PCDH7: variants seen among roughly 807,000 people sequenced by gnomAD.
The protein encoded by PCDH7 is protocadherin-7.
PCDH7 carries 17 observed loss-of-function variants against 58.9 expected under a neutral mutation model. The ratio of observed to expected loss-of-function variants is 0.29; its 90% CI spans 0.20 to 0.43. The LOEUF (loss-of-function observed/expected upper bound fraction) is 0.43. Among genes scored for constraint, PCDH7 ranks in the 20% least tolerant of loss-of-function variants. The pLI is 1.00. For synonymous variants in PCDH7, 664 were observed against 616.4 expected (o/e 1.08, Z -1.14); for missense variants, 1,274 against 1,441.0 (o/e 0.88, Z 1.88).
In PCDH7 at chr4:30,732,181, A is replaced by G. The variant is rs541349519; in HGVS notation, c.*1393A>G. 4.6e-5 allele frequency: 7 copies of G among 152,304 alleles called. No individual in the cohort carries two copies. In the East Asian group the frequency reaches 1.2e-3, roughly 25 times the overall value. The allele number at this position is 152,304 out of a possible 1,614,324, so 9.4% of individuals were successfully genotyped here. ...GGGAAATTTTCAGAAACATCACTGC[A>G]AGTACAGTAAGATTTCTGTATAAAA... On this transcript the variant is annotated 3_prime_UTR_variant, in exon 2 of 2. Transcript: ENST00000361762.
At chr4:31,104,458 T>C (rs1270475271) in intron 3 of PCDH7, among the ~76,000 whole-genome samples, 1 of 152,218 alleles carries the variant, frequency 6.6e-6, no homozygotes, top group African/African-American at 2.4e-5. Context: ...TTTAGGTAAA[T>C]GATATAGCAC....
At chr4:30,799,417 T>C (rs1725230604) in intron 1 of PCDH7, among the ~76,000 whole-genome samples, 1 of 152,214 alleles carries the variant, frequency 6.6e-6, no homozygotes, top group African/African-American at 2.4e-5. Flanking sequence ...AATGCAGAAG[T>C]TGCACATAAC....
chr4:31,033,796 T>C (rs2109191456), intron 3 of PCDH7, among the ~76,000 whole-genome samples: 1 of 152,240 alleles, frequency 6.6e-6, no homozygotes, highest in East Asian at 1.9e-4. Flanking sequence ...TTGTCTTTTA[T>C]ATTAGAAACT....
At chr4:30,994,550 T>A (rs527419941) in intron 3 of PCDH7, among the ~76,000 whole-genome samples, 1 of 152,182 alleles carries the variant, frequency 6.6e-6, no homozygotes, top group Non-Finnish European at 1.5e-5. Flanking sequence ...GAAAATCAGC[T>A]TTCTAATATG....
chr4:31,076,441 C>A (rs979199929), intron 3 of PCDH7, among the ~76,000 whole-genome samples: 10 of 152,074 alleles, frequency 6.6e-5, no homozygotes, highest in Non-Finnish European at 1.3e-4. Flanking sequence ...AGGAAACTTC[C>A]TTTTTCTACT....
chr4:30,958,627 T>C (rs1748089221), intron 3 of PCDH7, among the ~76,000 whole-genome samples: 1 of 151,976 alleles, frequency 6.6e-6, no homozygotes, highest in African/African-American at 2.4e-5. Context: ...TAATAATATT[T>C]TAACAAAATT....
chr4:30,960,513 C>T (rs542939066), intron 3 of PCDH7, among the ~76,000 whole-genome samples: 6 of 152,222 alleles, frequency 3.9e-5, no homozygotes, highest in Admixed American at 1.3e-4. Context: ...AACTCTTACA[C>T]AGTAGTCACA....
intron 3 of PCDH7, among the ~76,000 whole-genome samples, chr4:30,978,994 T>C (rs1017835047): frequency 6.6e-6 from 1 of 152,112 alleles, no homozygotes; most frequent in African/African-American, 2.4e-5. Flanking sequence ...GTGTAATATT[T>C]AGAACTCTTC....
At chr4:30,800,435 AT>A (rs1296335548) in intron 1 of PCDH7, among the ~76,000 whole-genome samples, 1 of 152,182 alleles carries the variant, frequency 6.6e-6, no homozygotes, top group Non-Finnish European at 1.5e-5. Flanking sequence ...GAGAGCTATA[AT>A]TACTCAATAA....
intron 2 of PCDH7, among the ~76,000 whole-genome samples, chr4:30,936,631 AT>A (rs56159727): frequency 0.26 from 38,262 of 149,088 alleles, 4,984 homozygotes; most frequent in African/African-American, 0.33. Flanking sequence ...ACCACAATGC[AT>A]TTTTTTTTTG....
At chr4:31,087,467 A>G (rs1425347620) in intron 3 of PCDH7, among the ~76,000 whole-genome samples, 1 of 152,138 alleles carries the variant, frequency 6.6e-6, no homozygotes, top group African/African-American at 2.4e-5. Flanking sequence ...TTTTCTGTAC[A>G]TTAAAATAAT....
intron 3 of PCDH7, among the ~76,000 whole-genome samples, chr4:30,976,062 A>G (rs945342813): frequency 6.6e-6 from 1 of 152,184 alleles, no homozygotes; most frequent in Non-Finnish European, 1.5e-5. Context: ...AAATCAAAAC[A>G]TCAGTGGGCT....
intron 1 of PCDH7, among the ~76,000 whole-genome samples, chr4:30,912,139 TGAAA>T (rs1481454236): frequency 3.3e-5 from 5 of 152,176 alleles, no homozygotes; most frequent in South Asian, 4.1e-4. Flanking sequence ...GCTATTGACT[TGAAA>T]GAAAGAAAGG....
intron 3 of PCDH7, among the ~76,000 whole-genome samples, chr4:31,081,303 A>G (rs1759479987): frequency 6.6e-6 from 1 of 152,246 alleles, no homozygotes; most frequent in Non-Finnish European, 1.5e-5. Flanking sequence ...TAAGGAAATA[A>G]CATGCCAGTG....
intron 1 of PCDH7, among the ~76,000 whole-genome samples, chr4:30,726,362 C>A (rs777907716): frequency 6.6e-6 from 1 of 151,952 alleles, no homozygotes; most frequent in Non-Finnish European, 1.5e-5. Context: ...ATAGCATTTG[C>A]GTTCTAAATT....
intron 1 of PCDH7, among the ~76,000 whole-genome samples, chr4:30,833,742 A>G (rs1730109538): frequency 6.6e-6 from 1 of 152,214 alleles, no homozygotes; most frequent in Non-Finnish European, 1.5e-5. Flanking sequence ...TGAACACGAG[A>G]GAGATCAGAA....
chr4:30,822,244 A>G (rs1473446819), intron 1 of PCDH7, among the ~76,000 whole-genome samples: 1 of 152,138 alleles, frequency 6.6e-6, no homozygotes, highest in Non-Finnish European at 1.5e-5. Flanking sequence ...AGCAACTTCT[A>G]TTATTTAATT....
chr4:30,964,476 C>A (rs1748803753), intron 3 of PCDH7, among the ~76,000 whole-genome samples: 1 of 152,054 alleles, frequency 6.6e-6, no homozygotes, highest in Non-Finnish European at 1.5e-5. Flanking sequence ...CTCCTGATCT[C>A]ATGATCCGCC....
intron 3 of PCDH7, among the ~76,000 whole-genome samples, chr4:31,035,674 T>C (rs1489896704): frequency 6.6e-6 from 1 of 152,180 alleles, no homozygotes; most frequent in Admixed American, 6.5e-5. Flanking sequence ...TAGAATATAA[T>C]TCCCCAAATG....
Sources: allele counts gnomAD v4.1 joint callset (sites outside exome capture counted in the v4.1 genomes callset), GRCh38; gene constraint gnomAD v4.1.1; transcripts MANE v1.5; gene names NCBI Gene and HGNC (gene_info 2026-07-23, HGNC 2026-07-21).